The following SYBU variants were observed in gnomAD, a reference collection of about 807,000 sequenced individuals.
The protein encoded by SYBU is GOLSYN A protein.
A neutral mutation model predicts 35.9 loss-of-function variants in SYBU; 21 were observed. The observed-to-expected ratio is 0.58, with a 90% CI of 0.41 to 0.84. The LOEUF is 0.84. Among genes scored for constraint, SYBU ranks in the 40% least tolerant of loss-of-function variants. The pLI is 0.00. For synonymous variants in SYBU, 319 were observed against 324.3 expected (o/e 0.98, Z 0.18); for missense variants, 768 against 848.2 (o/e 0.91, Z 1.17).
intron 1 of SYBU, among the ~76,000 whole-genome samples, chr8:109,688,053 G>A (rs1817560434): frequency 6.6e-6 from 1 of 152,150 alleles, no homozygotes; most frequent in Non-Finnish European, 1.5e-5. Flanking sequence ...CCAAGGTTGT[G>A]TCATTGTACA....
chr8:109,574,787 A>C lies in SYBU; in HGVS notation c.*119T>G, dbSNP rs1015244794. On this transcript the variant is annotated 3_prime_UTR_variant, in exon 7 of 7. Coordinates refer to ENST00000276646, the MANE Select transcript of SYBU (RefSeq NM_001099754.2). ...CAGGCTTCAACTAAATATAGTGCAA[A>C]TCAAATACCAAGGAGCAAAACGACA... is the stretch of plus-strand genomic sequence containing the variant. 56 of 1,185,330 alleles carry C rather than the reference A, an allele frequency of 4.7e-5. 1 individual carries two copies. The highest frequency in any genetic ancestry group is 2.5e-4 in the Middle Eastern group (1 of 3,930). The allele number at this position is 1,185,330 out of a possible 1,614,324, so 73.4% of individuals were successfully genotyped here.
At chr8:109,654,857 T>G (rs1315381404) in intron 1 of SYBU, among the ~76,000 whole-genome samples, 1 of 152,234 alleles carries the variant, frequency 6.6e-6, no homozygotes, top group Non-Finnish European at 1.5e-5. Context: ...AATTGGAACC[T>G]AAGTCCTATC....
At chr8:109,583,982 T>TA (rs1356570294) in intron 4 of SYBU, among the ~76,000 whole-genome samples, 2 of 151,876 alleles carry the variant, frequency 1.3e-5, no homozygotes, top group African/African-American at 4.8e-5. Flanking sequence ...CTAATTTTTT[T>TA]TTTTTTTGTA....
At chr8:109,639,902 C>T (rs1814668645) in intron 2 of SYBU, among the ~76,000 whole-genome samples, 1 of 152,162 alleles carries the variant, frequency 6.6e-6, no homozygotes, top group African/African-American at 2.4e-5. Context: ...ATTAACATGC[C>T]CCCAAAGGCC....
chr8:109,646,820 C>T (rs1401107291), upstream of SYBU: 1 of 152,222 alleles, frequency 6.6e-6, no homozygotes, highest in African/African-American at 2.4e-5. Context: ...CTGACCCACA[C>T]ATAGCATAAA....
intron 1 of SYBU, among the ~76,000 whole-genome samples, chr8:109,661,277 G>A (rs28709695): frequency 0.011 from 1,745 of 152,328 alleles, 11 homozygotes; most frequent in Middle Eastern, 0.051. Context: ...CTATCAGGGT[G>A]AGGAGCAGCT....
chr8:109,600,225 C>T (rs892195466), intron 3 of SYBU, among the ~76,000 whole-genome samples: 1 of 152,218 alleles, frequency 6.6e-6, no homozygotes, highest in African/African-American at 2.4e-5. Flanking sequence ...TGTTATTTCA[C>T]AGCATTAAAA....
chr8:109,663,250 A>ATAC (rs1554627387), intron 1 of SYBU, among the ~76,000 whole-genome samples: 339 of 140,248 alleles, frequency 2.4e-3, no homozygotes, highest in African/African-American at 9.6e-3. Context: ...GTTTAATAAA[A>ATAC]ATACATACAG....
intron 1 of SYBU, among the ~76,000 whole-genome samples, chr8:109,690,955 C>T (rs1488810791): frequency 6.6e-6 from 1 of 152,140 alleles, no homozygotes; most frequent in Non-Finnish European, 1.5e-5. Flanking sequence ...CCTTCCTTAT[C>T]AAAAGCCACC....
chr8:109,579,749 T>A, intron 5 of SYBU, 50 bp downstream of exon 5: 1 of 1,529,222 alleles, frequency 6.5e-7, no homozygotes, highest in South Asian at 1.2e-5. Context: ...AAAGAAAAGC[T>A]TACCAAGTAG....
intron 2 of SYBU, among the ~76,000 whole-genome samples, chr8:109,639,815 A>G (rs1443728640): frequency 6.6e-6 from 1 of 152,136 alleles, no homozygotes; most frequent in Non-Finnish European, 1.5e-5. Flanking sequence ...TCTCTATCTC[A>G]CTGCCTCCAG....
At chr8:109,610,360 T>C (rs1187390078) in intron 3 of SYBU, among the ~76,000 whole-genome samples, 1 of 152,250 alleles carries the variant, frequency 6.6e-6, no homozygotes, top group African/African-American at 2.4e-5. Flanking sequence ...ATCAAATGAA[T>C]GAATGAAAGC....
At position 109,644,804 on chromosome 8, in the gene SYBU, CA is replaced by C. The variant is rs1409038518; in HGVS notation, c.-146del. The C allele has an allele frequency of 1.3e-6, 1 of 786,980 alleles. No individual in the cohort carries two copies. The highest frequency in any genetic ancestry group is 1.8e-6 in the Non-Finnish European group (1 of 559,982). The allele number at this position is 786,980 out of a possible 1,614,324, so 48.7% of individuals were successfully genotyped here. ...TGAGGCTCCAACGCGCCGCCGCCGCCACTGCCGCCGATTGCTCTGGGCTCCG... is the reference window on the plus strand; with the variant it reads ...TGAGGCTCCAACGCGCCGCCGCCGCCCTGCCGCCGATTGCTCTGGGCTCCG... On this transcript the variant is annotated 5_prime_UTR_variant, in exon 1 of 7. Coordinates refer to ENST00000276646, the MANE Select transcript of SYBU (RefSeq NM_001099754.2).
At chr8:109,639,175 T>A (rs958378316) in intron 2 of SYBU, among the ~76,000 whole-genome samples, 1 of 152,172 alleles carries the variant, frequency 6.6e-6, no homozygotes, top group Non-Finnish European at 1.5e-5. Context: ...AGAGAAAACA[T>A]CAACATTGAG....
chr8:109,666,924 A>G (rs1563772768), intron 1 of SYBU, among the ~76,000 whole-genome samples: 2 of 152,054 alleles, frequency 1.3e-5, no homozygotes, highest in South Asian at 4.1e-4. Flanking sequence ...CATCTTAATG[A>G]TCTTGTTTTA....
intron 2 of SYBU, among the ~76,000 whole-genome samples, chr8:109,624,713 C>T (rs1812791718): frequency 6.6e-6 from 1 of 152,142 alleles, no homozygotes; most frequent in Non-Finnish European, 1.5e-5. Context: ...CCAATCAAGG[C>T]TTTAAAGCTA....
chr8:109,625,792 T>C (rs1563737868), intron 2 of SYBU, among the ~76,000 whole-genome samples: 1 of 152,200 alleles, frequency 6.6e-6, no homozygotes. Context: ...CTCACTGTTA[T>C]TAAAATTGCT....
At chr8:109,655,038 T>C (rs1164841485) in intron 1 of SYBU, among the ~76,000 whole-genome samples, 1 of 152,214 alleles carries the variant, frequency 6.6e-6, no homozygotes, top group Non-Finnish European at 1.5e-5. Context: ...CCTATCTCTC[T>C]AGCCTCAAAT....
intron 3 of SYBU, among the ~76,000 whole-genome samples, chr8:109,611,669 T>C (rs1467147465): frequency 6.6e-6 from 1 of 152,218 alleles, no homozygotes; most frequent in Non-Finnish European, 1.5e-5. Flanking sequence ...TTTAAGAAAA[T>C]ATTCATGATA....
Sources: allele counts gnomAD v4.1 joint callset (sites outside exome capture counted in the v4.1 genomes callset), GRCh38; gene constraint gnomAD v4.1.1; transcripts MANE v1.5; gene names NCBI Gene and HGNC (gene_info 2026-07-23, HGNC 2026-07-21).